The following LOC128125822 variants were observed in gnomAD, a reference collection of about 807,000 sequenced individuals.
At chr6:63,580,421 A>G in the LOC128125822 span, 1,066 of 416,132 alleles carry the variant, frequency 2.6e-3, 7 homozygotes, top group African/African-American at 0.019. Context: ...ATTTGTATCA[A>G]TTGACCTTTC....
the LOC128125822 span, chr6:63,582,196 T>C: frequency 6.6e-6 from 1 of 152,142 alleles, no homozygotes; most frequent in South Asian, 2.1e-4. Flanking sequence ...GGTTTTGTTT[T>C]TTTTTTAAAG....
chr6:63,580,028 G>C, the LOC128125822 span: 2 of 1,467,752 alleles, frequency 1.4e-6, no homozygotes, highest in Non-Finnish European at 1.9e-6. Context: ...CTTTTGCCTT[G>C]TTTCATTTTT....
the LOC128125822 span, chr6:63,579,974 G>T: frequency 1.0e-6 from 1 of 967,960 alleles, no homozygotes; most frequent in South Asian, 1.4e-5. Context: ...TGCCACAAGA[G>T]AGGTGATGGT....
At chr6:63,581,694 G>A in the LOC128125822 span, 1 of 152,064 alleles carries the variant, frequency 6.6e-6, no homozygotes, top group Non-Finnish European at 1.5e-5. Flanking sequence ...TTATTATTGT[G>A]TACTGAGGAG....
the LOC128125822 span, chr6:63,580,014 G>T: frequency 7.0e-7 from 1 of 1,419,414 alleles, no homozygotes. Flanking sequence ...ATTACTGTAG[G>T]GGGCTTTTGC....
At chr6:63,575,350 G>T in the LOC128125822 span, among the ~76,000 whole-genome samples, 1 of 152,058 alleles carries the variant, frequency 6.6e-6, no homozygotes, top group Non-Finnish European at 1.5e-5. Flanking sequence ...CTTTACTCCC[G>T]AGTACACAAG....
the LOC128125822 span, among the ~76,000 whole-genome samples, chr6:63,577,142 A>T: frequency 6.6e-6 from 1 of 152,222 alleles, no homozygotes; most frequent in Admixed American, 6.5e-5. Context: ...GGTTAGAGGT[A>T]TATTTGTACA....
the LOC128125822 span, among the ~76,000 whole-genome samples, chr6:63,573,007 T>G: frequency 5.3e-5 from 8 of 151,294 alleles, no homozygotes; most frequent in Admixed American, 5.3e-4. Context: ...GGCGGCGCGG[T>G]CCGGCTTCTG....
the LOC128125822 span, chr6:63,576,970 A>G: frequency 6.2e-7 from 1 of 1,611,504 alleles, no homozygotes; most frequent in Non-Finnish European, 8.5e-7. Context: ...ATGCGACCTT[A>G]AACAAATTTA....
At chr6:63,576,674 G>A in the LOC128125822 span, 1 of 580,482 alleles carries the variant, frequency 1.7e-6, no homozygotes, top group Admixed American at 3.3e-5. Flanking sequence ...CTTCTTTTCT[G>A]TTGGCCTCAG....
chr6:63,579,054 T>C, the LOC128125822 span: 3 of 1,548,602 alleles, frequency 1.9e-6, no homozygotes, highest in African/African-American at 2.8e-5. Context: ...AATTTGATTC[T>C]AGGTAAAAAT....
the LOC128125822 span, chr6:63,573,135 G>A: frequency 6.3e-6 from 1 of 159,150 alleles, no homozygotes; most frequent in East Asian, 1.8e-4. Context: ...TCCGGGCATG[G>A]CAGGCTCCGC....
the LOC128125822 span, among the ~76,000 whole-genome samples, chr6:63,574,788 T>C: frequency 1.6e-3 from 250 of 152,360 alleles, 2 homozygotes; most frequent in Middle Eastern, 0.017. Flanking sequence ...ACACTTTTTA[T>C]TCTACGGAGG....
chr6:63,573,221 C>G, the LOC128125822 span: 2 of 152,744 alleles, frequency 1.3e-5, no homozygotes, highest in Non-Finnish European at 2.9e-5. Context: ...CGGGGTGGGG[C>G]GAGGGCTGCG....
At chr6:63,578,373 T>TAA in the LOC128125822 span, 2 of 1,520,428 alleles carry the variant, frequency 1.3e-6, no homozygotes, top group Non-Finnish European at 1.8e-6. Context: ...GATCAGAATA[T>TAA]AAAATGTTGA....
At chr6:63,572,737 C>T in the LOC128125822 span, 4 of 398,246 alleles carry the variant, frequency 1.0e-5, no homozygotes, top group Non-Finnish European at 1.8e-5. Flanking sequence ...GCCGTCGCAT[C>T]GTCGCCTCTC....
the LOC128125822 span, among the ~76,000 whole-genome samples, chr6:63,577,580 G>A: frequency 2.0e-5 from 3 of 151,708 alleles, no homozygotes; most frequent in African/African-American, 7.3e-5. Flanking sequence ...TTTTTGAGAT[G>A]GAGTCTCGTT....
At chr6:63,580,985 G>T in the LOC128125822 span, 1 of 152,278 alleles carries the variant, frequency 6.6e-6, no homozygotes, top group Non-Finnish European at 1.5e-5. Context: ...TTTGTCTTGT[G>T]CAAACATGTA....
At chr6:63,581,090 T>C in the LOC128125822 span, 1 of 152,326 alleles carries the variant, frequency 6.6e-6, no homozygotes, top group South Asian at 2.1e-4. Flanking sequence ...GTAATTTTTT[T>C]CCCATACTTA....
Sources: gnomAD v4.1 joint callset for allele counts (sites outside exome capture counted in the v4.1 genomes callset) on GRCh38, gnomAD v4.1.1 for gene constraint, MANE v1.5 for transcripts.